The following DNAH3 variants were observed in gnomAD, a reference collection of about 807,000 sequenced individuals.
DNAH3 encodes dynein axonemal heavy chain 3.
Under a neutral mutation model 432.5 loss-of-function variants are expected in DNAH3, and 332 were observed. The observed-to-expected ratio is 0.77, with a 90% CI of 0.70 to 0.84. The LOEUF (loss-of-function observed/expected upper bound fraction) is 0.84. DNAH3 is among the 40% of genes least tolerant of loss of function. DNAH3 has a pLI of 0.00. For missense variants in DNAH3, 4,861 were observed against 5,114.0 expected (o/e 0.95, Z 1.51); for synonymous variants, 1,956 against 1,900.2 (o/e 1.03, Z -0.76).
intron 44 of DNAH3, among the ~76,000 whole-genome samples, chr16:20,993,443 C>T (rs548589828): frequency 3.3e-5 from 5 of 152,132 alleles, no homozygotes; most frequent in Non-Finnish European, 5.9e-5. Context: ...TGAGAAATGG[C>T]TTAAAAAAAT....
At chr16:21,129,834 T>C (rs1033547948) in intron 7 of DNAH3, 5 of 152,102 alleles carry the variant, frequency 3.3e-5, no homozygotes, top group African/African-American at 9.7e-5. Flanking sequence ...AAGTGTTTTA[T>C]GGGCAAGCAG....
Position 20,985,735 on chromosome 16 carries a change from C to T in DNAH3, c.7027-20G>A, listed in dbSNP as rs184253540. The stretch of plus-strand genomic sequence containing the variant: ...AAGCACCTGTAAGAAAAGTAAATCT[C>T]GGCGGGGCATTCAGTGAATGGCCCA... On this transcript the variant is annotated intron_variant, in intron 47 of 61. Transcript: ENST00000261383. The T allele has an allele frequency of 2.2e-4, 356 of 1,602,750 alleles. 1 individual carries two copies. In the African/African-American group the frequency reaches 3.2e-3, roughly 14 times the overall value.
intron 12 of DNAH3, among the ~76,000 whole-genome samples, chr16:21,112,879 T>A (rs1049605838): frequency 1.3e-5 from 2 of 152,184 alleles, no homozygotes; most frequent in Admixed American, 1.3e-4. Context: ...TGGACTTGCA[T>A]GGGCCCTGTA....
chr16:21,020,931 G>T (rs2088184118), intron 40 of DNAH3, among the ~76,000 whole-genome samples: 6 of 151,954 alleles, frequency 3.9e-5, no homozygotes, highest in Admixed American at 3.9e-4. Context: ...AGAACTCTCC[G>T]TTCTGTCTTT....
intron 12 of DNAH3, 39 bp from the exon 13 acceptor site, chr16:21,112,137 T>C (rs1177795740): frequency 1.4e-6 from 2 of 1,393,430 alleles, no homozygotes; most frequent in Non-Finnish European, 2.0e-6. Flanking sequence ...CACACAAATA[T>C]AAGTCAACCA....
At chr16:21,034,545 G>A (rs770542004) in intron 35 of DNAH3, among the ~76,000 whole-genome samples, 9 of 152,190 alleles carry the variant, frequency 5.9e-5, no homozygotes, top group African/African-American at 2.2e-4. Context: ...AGAAAATGGC[G>A]GTCATTTTAG....
intron 6 of DNAH3, 126 bp downstream of exon 7, chr16:21,136,198 G>A: frequency 1.1e-6 from 1 of 881,308 alleles, no homozygotes; most frequent in East Asian, 2.5e-5. Flanking sequence ...AGGATTGCTT[G>A]AGCCCAGGAG....
At position 21,146,201 on chromosome 16, in the gene DNAH3, GACCTA is replaced by G. The variant is rs772820575; in HGVS notation, c.118-118_118-114del. ...GAAAAGTTTTAGGTCCAGAGTTCTGGACCTAAAACAAAACACTCCTCTCATTCCCA... is the reference window on the plus strand; with the variant it reads ...GAAAAGTTTTAGGTCCAGAGTTCTGGAAACAAAACACTCCTCTCATTCCCA... On this transcript the variant is annotated intron_variant, in intron 1 of 61. Transcript: ENST00000261383. 205 of 640,950 alleles carry G rather than the reference GACCTA, an allele frequency of 3.2e-4. 2 individuals are homozygous for G. In the East Asian group the frequency reaches 5.4e-3, roughly 17 times the overall value. 39.7% of individuals were successfully genotyped at this position (640,950 alleles called of 1,614,324 possible). A position where few individuals can be genotyped will look rare whatever the true frequency, so the allele number is the denominator to read the frequency against.
intron 39 of DNAH3, among the ~76,000 whole-genome samples, chr16:21,022,569 A>G (rs760586594): frequency 6.6e-6 from 1 of 152,130 alleles, no homozygotes; most frequent in Non-Finnish European, 1.5e-5. Context: ...TCAGTAATTT[A>G]CCACACGTAT....
intron 1 of DNAH3, among the ~76,000 whole-genome samples, chr16:21,153,195 C>T (rs1323775939): frequency 2.0e-5 from 3 of 152,154 alleles, no homozygotes; most frequent in Admixed American, 6.5e-5. Flanking sequence ...CTGGTGGGAC[C>T]TTGGAGAACC....
At chr16:21,068,121 C>T (rs962480357) in intron 23 of DNAH3, among the ~76,000 whole-genome samples, 1 of 152,150 alleles carries the variant, frequency 6.6e-6, no homozygotes, top group Non-Finnish European at 1.5e-5. Context: ...AAGTGCACCC[C>T]AGTTTGATCA....
chr16:21,030,413 G>A (rs1267079959), intron 37 of DNAH3, among the ~76,000 whole-genome samples: 4 of 152,138 alleles, frequency 2.6e-5, no homozygotes, highest in African/African-American at 9.7e-5. Flanking sequence ...GAAAGAAAAA[G>A]AGAGAGAGAA....
exon 41 of DNAH3, chr16:21,019,761 G>A: frequency 6.2e-7 from 1 of 1,614,154 alleles, no homozygotes; most frequent in East Asian, 2.2e-5. Flanking sequence ...GCCAGCCACG[G>A]TCCACACCAA....
intron 40 of DNAH3, among the ~76,000 whole-genome samples, chr16:21,020,950 G>C (rs544900295): frequency 3.3e-5 from 5 of 152,026 alleles, no homozygotes; most frequent in African/African-American, 7.2e-5. Flanking sequence ...TTATAAATTT[G>C]GCTACTCTAT....
At chr16:21,132,886 G>A (rs1323291423) in intron 7 of DNAH3, among the ~76,000 whole-genome samples, 1 of 148,334 alleles carries the variant, frequency 6.7e-6, no homozygotes, top group African/African-American at 2.5e-5. Context: ...TTTATGGAAT[G>A]TGGATATCTC....
At chr16:20,965,243 A>G (rs1011248081) in exon 53 of DNAH3, 16 of 1,613,052 alleles carry the variant, frequency 9.9e-6, no homozygotes, top group Non-Finnish European at 1.4e-5. Flanking sequence ...AGACCCTCGC[A>G]GGCCGACGAT....
Position 21,111,910 on chromosome 16 carries a change from T to C in DNAH3, c.1920+83A>G, listed in dbSNP as rs2092083565. The C allele has an allele frequency of 4.5e-6, 7 of 1,547,030 alleles. No homozygotes were observed. In the South Asian group the frequency reaches 5.7e-5, roughly 13 times the overall value. ...CTAGTCCAATGCTGAGCATGGTCTA[T>C]GCACCAAAGAGACACTAACTGCTCA... On this transcript the variant is annotated intron_variant, in intron 13 of 61. Transcript: ENST00000261383.
chr16:21,120,884 A>T, intron 10 of DNAH3: 1 of 1,542,318 alleles, frequency 6.5e-7, no homozygotes, highest in African/African-American at 1.4e-5. Context: ...TCCAAATTAC[A>T]GGGTCTTTTC....
intron 48 of DNAH3, among the ~76,000 whole-genome samples, chr16:20,983,938 G>A (rs2086042190): frequency 6.7e-6 from 1 of 150,008 alleles, no homozygotes; most frequent in South Asian, 2.1e-4. Context: ...GAGGTGAGAG[G>A]ATCACTTGAG....
Sources: gnomAD v4.1 joint callset for allele counts (sites outside exome capture counted in the v4.1 genomes callset) on GRCh38, gnomAD v4.1.1 for gene constraint, MANE v1.5 for transcripts, NCBI Gene and HGNC (gene_info 2026-07-23, HGNC 2026-07-21) for gene names.